The following CNTLN variants were observed in gnomAD, a reference collection of about 807,000 sequenced individuals.
CNTLN encodes the protein centlein, centrosomal protein.
Under a neutral mutation model 180.0 loss-of-function variants are expected in CNTLN, and 212 were observed. The observed-to-expected ratio is 1.18, with a 90% CI of 1.05 to 1.32. CNTLN has a LOEUF of 1.32. Ranked by LOEUF, CNTLN falls within the 40% of genes most tolerant of loss-of-function variation. The pLI is 0.00. For missense variants in CNTLN, 2,095 were observed against 1,610.9 expected (o/e 1.30, Z -5.14); for synonymous variants, 722 against 563.1 (o/e 1.28, Z -3.99).
At chr9:17,526,224 C>T in the CNTLN span, among the ~76,000 whole-genome samples, 67 of 152,268 alleles carry the variant, frequency 4.4e-4, no homozygotes, top group Admixed American at 3.3e-3. Context: ...CGTGAGCCAC[C>T]GTGCCCGGCC....
intron 16 of CNTLN, among the ~76,000 whole-genome samples, chr9:17,410,568 T>G (rs1403097384): frequency 6.6e-6 from 1 of 152,188 alleles, no homozygotes; most frequent in Non-Finnish European, 1.5e-5. Context: ...CAATTTTTTG[T>G]TTATGAATAG....
chr9:17,188,424 C>G (rs548106709), intron 2 of CNTLN, among the ~76,000 whole-genome samples: 1 of 152,132 alleles, frequency 6.6e-6, no homozygotes, highest in East Asian at 1.9e-4. Flanking sequence ...ATCTGTAGAC[C>G]ATAAAAAAGC....
chr9:17,516,315 G>C, the CNTLN span, among the ~76,000 whole-genome samples: 1 of 152,224 alleles, frequency 6.6e-6, no homozygotes, highest in African/African-American at 2.4e-5. Flanking sequence ...GTGTGGGGGA[G>C]AAAAAGGAAT....
At chr9:17,166,206 C>CA (rs551516248) in intron 2 of CNTLN, among the ~76,000 whole-genome samples, 1 of 150,322 alleles carries the variant, frequency 6.7e-6, no homozygotes, top group Non-Finnish European at 1.5e-5. Context: ...GAACAGGTGA[C>CA]AAAAAAAGAG....
At chr9:17,483,980 G>A (rs1257517982) in intron 23 of CNTLN, among the ~76,000 whole-genome samples, 1 of 152,152 alleles carries the variant, frequency 6.6e-6, no homozygotes, top group African/African-American at 2.4e-5. Context: ...AGGTCAACTA[G>A]TAGAAGTTGT....
chr9:17,264,532 CTT>C (rs1294062001), intron 5 of CNTLN, among the ~76,000 whole-genome samples: 2 of 146,776 alleles, frequency 1.4e-5, no homozygotes, highest in Non-Finnish European at 3.0e-5. Context: ...TGTGGGCTCT[CTT>C]TTGGTTCCAT....
At chr9:17,390,590 A>G (rs1219966613) in intron 14 of CNTLN, among the ~76,000 whole-genome samples, 1 of 152,158 alleles carries the variant, frequency 6.6e-6, no homozygotes, top group Non-Finnish European at 1.5e-5. Flanking sequence ...GTTCAGAACT[A>G]TAAGAAAATA....
chr9:17,305,881 G>A (rs947451888), intron 7 of CNTLN, among the ~76,000 whole-genome samples: 8 of 152,284 alleles, frequency 5.3e-5, no homozygotes, highest in East Asian at 3.9e-4. Flanking sequence ...TATATTTGGA[G>A]TAAGCTAAGG....
intron 2 of CNTLN, among the ~76,000 whole-genome samples, chr9:17,170,484 T>C (rs1399122572): frequency 6.6e-6 from 1 of 152,100 alleles, no homozygotes; most frequent in African/African-American, 2.4e-5. Flanking sequence ...CTGTAGTCTT[T>C]CTTTACTTTT....
intron 5 of CNTLN, among the ~76,000 whole-genome samples, chr9:17,238,434 T>C (rs902303048): frequency 1.1e-4 from 16 of 152,338 alleles, no homozygotes; most frequent in Middle Eastern, 3.4e-3. Context: ...CCATGAAGCA[T>C]GGTCATAAAA....
chr9:17,497,720 T>G (rs1212372846), intron 25 of CNTLN, among the ~76,000 whole-genome samples: 2 of 152,160 alleles, frequency 1.3e-5, no homozygotes, highest in Non-Finnish European at 2.9e-5. Context: ...GCAGCAGAAA[T>G]AGAAACAACC....
chr9:17,348,449 G>A (rs566676274), intron 12 of CNTLN, among the ~76,000 whole-genome samples: 7 of 151,954 alleles, frequency 4.6e-5, no homozygotes, highest in Non-Finnish European at 7.4e-5. Context: ...TGCTGACATT[G>A]CATCGAGAGA....
intron 12 of CNTLN, among the ~76,000 whole-genome samples, chr9:17,358,628 A>G (rs1823047743): frequency 6.6e-6 from 1 of 152,134 alleles, no homozygotes; most frequent in Admixed American, 6.5e-5. Context: ...AATGTTGATT[A>G]TATTATTTTC....
chr9:17,208,277 G>T (rs1823060083), intron 2 of CNTLN, among the ~76,000 whole-genome samples: 1 of 152,168 alleles, frequency 6.6e-6, no homozygotes, highest in Non-Finnish European at 1.5e-5. Context: ...CTCATTGACT[G>T]ATTTGCATAT....
At chr9:17,217,532 T>C (rs1482245796) in intron 2 of CNTLN, among the ~76,000 whole-genome samples, 2 of 152,250 alleles carry the variant, frequency 1.3e-5, no homozygotes, top group African/African-American at 4.8e-5. Flanking sequence ...TAGCACTTTA[T>C]TCAGCACAGG....
In CNTLN at chr9:17,324,761, T is replaced by G. The variant is rs1297240484; in HGVS notation, c.1342-5871T>G. 2.0e-5 allele frequency among the ~76,000 whole-genome samples: 3 copies of G among 152,132 alleles called. No individual in the cohort carries two copies. The East Asian group carries it at 5.8e-4, about 29-fold the overall frequency. On this transcript the variant is annotated intron_variant, in intron 8 of 25. Coordinates refer to ENST00000380647, the MANE Select transcript of CNTLN (RefSeq NM_017738.4). The stretch of plus-strand genomic sequence containing the variant: ...AGTTTTGGAATTAATTTTCTTCCAT[T>G]TTATTTTGCTGTTAACAACTTGACT...
At chr9:17,149,512 C>CTTTTTTTTTTTTTTTTTTTTTTTT (rs55691769) in intron 2 of CNTLN, among the ~76,000 whole-genome samples, 3 of 106,154 alleles carry the variant, frequency 2.8e-5, no homozygotes, top group African/African-American at 3.8e-5. Flanking sequence ...TTCTTTCTTT[C>CTTTTTTTTTTTTTTTTTTTTTTTT]TTTTTTTTTT....
intron 2 of CNTLN, among the ~76,000 whole-genome samples, chr9:17,161,995 G>T (rs755682041): frequency 1.3e-5 from 2 of 151,982 alleles, no homozygotes; most frequent in Non-Finnish European, 2.9e-5. Context: ...TTTGTCTTAG[G>T]GCAGTGATCT....
At chr9:17,462,451 C>T (rs1273210622) in intron 19 of CNTLN, among the ~76,000 whole-genome samples, 1 of 151,726 alleles carries the variant, frequency 6.6e-6, no homozygotes, top group Non-Finnish European at 1.5e-5. Context: ...GCATTCTTTT[C>T]GACAAAGCAA....
Sources: gnomAD v4.1 joint callset for allele counts (sites outside exome capture counted in the v4.1 genomes callset) on GRCh38, gnomAD v4.1.1 for gene constraint, MANE v1.5 for transcripts, NCBI Gene and HGNC (gene_info 2026-07-23, HGNC 2026-07-21) for gene names.